The following IL1RAPL1 variants were observed in gnomAD, a reference collection of about 807,000 sequenced individuals.
IL1RAPL1 encodes interleukin-1 receptor accessory protein-like 1.
IL1RAPL1 carries 3 observed loss-of-function variants against 48.4 expected under a neutral mutation model. That is an observed-to-expected ratio of 0.06 (90% CI 0.03 to 0.16). IL1RAPL1 has a LOEUF of 0.16. IL1RAPL1 is among the 10% of genes least tolerant of loss of function. IL1RAPL1 has a pLI of 1.00. For synonymous variants in IL1RAPL1, 185 were observed against 187.7 expected (o/e 0.99, Z 0.12); for missense variants, 349 against 530.6 (o/e 0.66, Z 3.36).
At chrX:28,704,125 A>G (rs1016737552) in intron 1 of IL1RAPL1, among the ~76,000 whole-genome samples, 1 of 111,928 alleles carries the variant, frequency 8.9e-6, no homozygotes, top group Admixed American at 9.5e-5. Context: ...TTCCATACAT[A>G]TAGATTCTTG....
At chrX:28,987,573 A>G (rs1367367189) in intron 2 of IL1RAPL1, among the ~76,000 whole-genome samples, 1 of 111,710 alleles carries the variant, frequency 9.0e-6, no homozygotes, top group Admixed American at 9.5e-5. Context: ...TTGAATCCTA[A>G]TTACTAAACT....
At chrX:29,333,525 G>A (rs1932917318) in intron 3 of IL1RAPL1, among the ~76,000 whole-genome samples, 2 of 94,896 alleles carry the variant, frequency 2.1e-5, no homozygotes, top group Non-Finnish European at 4.3e-5. Flanking sequence ...GGCTGGCCAG[G>A]CGGGGGGCTG....
At chrX:29,342,156 T>TG (rs1569290855) in intron 3 of IL1RAPL1, among the ~76,000 whole-genome samples, 28 of 64,801 alleles carry the variant, frequency 4.3e-4, no homozygotes, top group African/African-American at 7.6e-4. Flanking sequence ...GTGTGTGTGT[T>TG]TGTTTTGTTT....
chrX:29,705,238 A>G (rs778408002), intron 6 of IL1RAPL1, among the ~76,000 whole-genome samples: 1 of 111,723 alleles, frequency 9.0e-6, no homozygotes, highest in South Asian at 3.8e-4. Flanking sequence ...GTTTTGAGAC[A>G]GAGTCTTGCT....
chrX:29,559,163 C>T (rs188980097), intron 5 of IL1RAPL1, among the ~76,000 whole-genome samples: 107 of 111,720 alleles, frequency 9.6e-4, no homozygotes, highest in Non-Finnish European at 1.7e-3. Flanking sequence ...CACTTATTTG[C>T]GTCCCTGGAA....
intron 5 of IL1RAPL1, among the ~76,000 whole-genome samples, chrX:29,442,400 T>C (rs1934557886): frequency 9.0e-6 from 1 of 110,801 alleles, no homozygotes; most frequent in Non-Finnish European, 1.9e-5. Context: ...TATGGTGCAG[T>C]GTATACTGCT....
chrX:28,755,033 G>A (rs913356679), intron 1 of IL1RAPL1, among the ~76,000 whole-genome samples: 14 of 110,030 alleles, frequency 1.3e-4, no homozygotes, highest in African/African-American at 4.0e-4. Context: ...CACTCTTGTC[G>A]CCCAGGCTGG....
At chrX:28,999,292 C>G (rs1214543705) in intron 2 of IL1RAPL1, among the ~76,000 whole-genome samples, 1 of 111,489 alleles carries the variant, frequency 9.0e-6, no homozygotes, top group Non-Finnish European at 1.9e-5. Flanking sequence ...AAGTCTGACT[C>G]TACTTAATCT....
intron 8 of IL1RAPL1, among the ~76,000 whole-genome samples, chrX:29,927,687 A>G (rs1932902795): frequency 8.9e-6 from 1 of 111,857 alleles, no homozygotes; most frequent in African/African-American, 3.2e-5. Flanking sequence ...GTTTTAGCCT[A>G]TGCAAATAGG....
chrX:29,842,035 T>G (rs1931147038), intron 6 of IL1RAPL1, among the ~76,000 whole-genome samples: 1 of 112,070 alleles, frequency 8.9e-6, no homozygotes, highest in Non-Finnish European at 1.9e-5. Context: ...TGTGACAACA[T>G]GTGTGAAATG....
chrX:29,008,076 A>G (rs887399449), intron 2 of IL1RAPL1, among the ~76,000 whole-genome samples: 2 of 111,515 alleles, frequency 1.8e-5, no homozygotes, highest in Non-Finnish European at 1.9e-5. Context: ...ATCTCAGCTC[A>G]CTACAATCTC....
rs57560936 is a variant in IL1RAPL1, at chrX:29,829,155, T to TACACAC, written c.779-88257_779-88252dup. ...GAGCCAGGAACCATGGACAAAAACCTACACACACACACACACACACACACA... is the reference window on the plus strand; with the variant it reads ...GAGCCAGGAACCATGGACAAAAACCTACACACACACACACACACACACACACACACA... On this transcript the variant is annotated intron_variant, in intron 6 of 10. Transcript: ENST00000378993. 6.9e-3 allele frequency among the ~76,000 whole-genome samples: 428 copies of TACACAC among 61,877 alleles called. 5 individuals carry two copies. Among genetic ancestry groups the TACACAC allele is most frequent in the Admixed American group, 0.011 (55 of 5,081 alleles). The allele number at this position is 61,877 out of a possible 115,157, so 53.7% of individuals were successfully genotyped here. A position where few individuals can be genotyped will look rare whatever the true frequency, so the allele number is the denominator to read the frequency against.
At chrX:28,819,891 A>G (rs923502926) in intron 2 of IL1RAPL1, among the ~76,000 whole-genome samples, 6 of 97,103 alleles carry the variant, frequency 6.2e-5, no homozygotes, top group Non-Finnish European at 1.2e-4. Flanking sequence ...AAAGTCTTTG[A>G]TTTATTATAT....
intron 3 of IL1RAPL1, among the ~76,000 whole-genome samples, chrX:29,360,026 G>A (rs1933355919): frequency 1.8e-5 from 2 of 111,394 alleles, no homozygotes; most frequent in Admixed American, 9.6e-5. Flanking sequence ...ATATGAGGGG[G>A]TGGGGAGCTC....
intron 3 of IL1RAPL1, among the ~76,000 whole-genome samples, chrX:29,370,177 G>A (rs1260458600): frequency 9.0e-6 from 1 of 110,944 alleles, no homozygotes; most frequent in African/African-American, 3.3e-5. Context: ...TATTGTTTTT[G>A]CAATGTTTTT....
intron 2 of IL1RAPL1, among the ~76,000 whole-genome samples, chrX:29,234,194 A>G (rs1194796816): frequency 8.9e-6 from 1 of 112,482 alleles, no homozygotes; most frequent in African/African-American, 3.2e-5. Flanking sequence ...AGGTTGTTTT[A>G]AGCACTATTT....
chrX:29,942,683 G>A (rs888051698), intron 9 of IL1RAPL1, among the ~76,000 whole-genome samples: 1 of 108,474 alleles, frequency 9.2e-6, no homozygotes, highest in African/African-American at 3.4e-5. Context: ...GCAATGGCGC[G>A]ATCTCAGCTC....
chrX:29,824,049 A>C (rs1930678715), intron 6 of IL1RAPL1, among the ~76,000 whole-genome samples: 1 of 111,455 alleles, frequency 9.0e-6, no homozygotes, highest in African/African-American at 3.3e-5. Context: ...AAGTACATAA[A>C]TATCACCAGA....
intron 3 of IL1RAPL1, among the ~76,000 whole-genome samples, chrX:29,327,996 G>T (rs1932853746): frequency 8.9e-6 from 1 of 111,971 alleles, no homozygotes; most frequent in Non-Finnish European, 1.9e-5. Context: ...TGCTTTTTAT[G>T]ATGATTGTGA....
Sources: gnomAD v4.1 joint callset for allele counts (sites outside exome capture counted in the v4.1 genomes callset) on GRCh38, gnomAD v4.1.1 for gene constraint, MANE v1.5 for transcripts, NCBI Gene and HGNC (gene_info 2026-07-23, HGNC 2026-07-21) for gene names.